The following MGAT5 variants were observed in gnomAD, a reference collection of about 807,000 sequenced individuals.
MGAT5 encodes alpha-1,6-mannosylglycoprotein 6-beta-N-acetylglucosaminyltransferase.
MGAT5 carries 30 observed loss-of-function variants against 94.3 expected under a neutral mutation model. That is an observed-to-expected ratio of 0.32 (90% CI 0.24 to 0.43). MGAT5 has a LOEUF of 0.43. MGAT5 is among the 20% of genes least tolerant of loss of function. The pLI is 1.00. For synonymous variants in MGAT5, 310 were observed against 322.9 expected (o/e 0.96, Z 0.43); for missense variants, 691 against 905.5 (o/e 0.76, Z 3.04).
intron 1 of MGAT5, 21 bp downstream of exon 1, chr2:134,254,665 C>T (rs920169938): frequency 1.9e-6 from 3 of 1,613,380 alleles, no homozygotes; most frequent in African/African-American, 2.7e-5. Flanking sequence ...TTTCTGGGAC[C>T]TCTCCATTAA....
At chr2:134,207,232 C>T (rs1237177523) in intron 1 of MGAT5, among the ~76,000 whole-genome samples, 1 of 152,084 alleles carries the variant, frequency 6.6e-6, no homozygotes, top group African/African-American at 2.4e-5. Context: ...TGCATTAGAC[C>T]CACCTTGATA....
intron 2 of MGAT5, among the ~76,000 whole-genome samples, chr2:134,274,318 T>C (rs1394398178): frequency 6.6e-6 from 1 of 152,250 alleles, no homozygotes; most frequent in East Asian, 1.9e-4. Flanking sequence ...GTTCTTCTTC[T>C]CAATTTACAT....
intron 9 of MGAT5, among the ~76,000 whole-genome samples, chr2:134,350,299 G>T (rs1679299945): frequency 6.6e-6 from 1 of 152,152 alleles, no homozygotes; most frequent in Admixed American, 6.5e-5. Flanking sequence ...TCACTAATGA[G>T]AGGTGAAGTC....
chr2:134,314,430 G>A (rs7575908), intron 2 of MGAT5, among the ~76,000 whole-genome samples: 90,835 of 152,058 alleles, frequency 0.6, 29,330 homozygotes, highest in Non-Finnish European at 0.71. Flanking sequence ...AGTCAGGCCC[G>A]TTGGGCAGAG....
chr2:134,143,483 C>T (rs561666145), intron 1 of MGAT5, among the ~76,000 whole-genome samples: 1 of 152,316 alleles, frequency 6.6e-6, no homozygotes, highest in South Asian at 2.1e-4. Flanking sequence ...CAACTCCTGA[C>T]ATGTTCTTGT....
upstream of MGAT5, among the ~76,000 whole-genome samples, chr2:134,253,732 G>A (rs1160509516): frequency 6.6e-6 from 1 of 152,166 alleles, no homozygotes. Flanking sequence ...ACTAAACACT[G>A]ATGGTGAAAG....
At chr2:134,398,678 T>G (rs1682853426) in intron 10 of MGAT5, among the ~76,000 whole-genome samples, 3 of 152,124 alleles carry the variant, frequency 2.0e-5, no homozygotes, top group Admixed American at 2.0e-4. Context: ...GGAATTAGCT[T>G]GAGTGTCCAT....
rs1454312145 is a variant in MGAT5, at chr2:134,441,339, G to C, written c.1870-419G>C. 2.6e-5 allele frequency among the ~76,000 whole-genome samples: 4 copies of C among 152,196 alleles called. No homozygotes were observed. In the East Asian group the frequency reaches 5.8e-4, roughly 22 times the overall value. The stretch of plus-strand genomic sequence containing the variant: ...GGTAGACACAGTGCCTTTGGAATCA[G>C]AGAAGAGAACAGACCAGCTGGTGGA... On this transcript the variant is annotated intron_variant, in intron 14 of 15. Coordinates refer to ENST00000281923, the MANE Select transcript of MGAT5 (RefSeq NM_002410.5).
intron 1 of MGAT5, among the ~76,000 whole-genome samples, chr2:134,151,366 C>T (rs1253816647): frequency 1.8e-4 from 16 of 89,412 alleles, no homozygotes; most frequent in East Asian, 3.8e-4. Context: ...CCTCACTCAC[C>T]CATGCCCTGT....
intron 1 of MGAT5, among the ~76,000 whole-genome samples, chr2:134,161,676 G>A (rs945494110): frequency 3.9e-5 from 6 of 152,112 alleles, no homozygotes; most frequent in Admixed American, 2.6e-4. Flanking sequence ...CTTTTCATGG[G>A]GTTGTCATAT....
intron 9 of MGAT5, among the ~76,000 whole-genome samples, chr2:134,353,412 C>T (rs1188926254): frequency 2.0e-5 from 3 of 151,984 alleles, no homozygotes; most frequent in Non-Finnish European, 2.9e-5. Flanking sequence ...GTAGGAACCA[C>T]GATGTTTAGT....
rs1683867394 is a variant in MGAT5 at position 134,268,945 on chromosome 2, G to A, written c.242-1441G>A. On this transcript the variant is annotated intron_variant, in intron 1 of 15. Coordinates refer to ENST00000281923, the MANE Select transcript of MGAT5 (RefSeq NM_002410.5). This position sits in a 1 kb window ranked among gnomAD's most constrained non-coding sequence, Gnocchi z 4.1. ...TTTTCTACCCAGGTTCTTGACTTCT[G>A]ATTGGTCCCATTGAGATGTCAGGGA... is the stretch of plus-strand genomic sequence containing the variant. Among the ~76,000 whole-genome samples the A allele has an allele frequency of 6.6e-6, 1 of 152,168 alleles. No individual in the cohort carries two copies. The highest frequency in any genetic ancestry group is 2.4e-5 in the African/African-American group (1 of 41,434).
intron 1 of MGAT5, among the ~76,000 whole-genome samples, chr2:134,209,140 TATTTTTTTTTTA>T (rs1680168594): frequency 5.5e-5 from 2 of 36,178 alleles, no homozygotes; most frequent in Admixed American, 6.7e-4. Context: ...AGAACTGGCT[TATTTTTTTTTTA>T]TTTTTTTTTT....
intron 1 of MGAT5, among the ~76,000 whole-genome samples, chr2:134,134,157 G>A (rs1686303166): frequency 6.6e-6 from 1 of 152,052 alleles, no homozygotes; most frequent in African/African-American, 2.4e-5. Context: ...TCCAGAACCT[G>A]GCATGCAATT....
chr2:134,171,760 G>A (rs914739088), intron 1 of MGAT5, among the ~76,000 whole-genome samples: 11 of 152,190 alleles, frequency 7.2e-5, no homozygotes, highest in Admixed American at 2.0e-4. Flanking sequence ...CTATTCTAAA[G>A]TGGACATTGG....
chr2:134,149,416 T>A (rs1198590454), intron 1 of MGAT5, among the ~76,000 whole-genome samples: 4 of 130,778 alleles, frequency 3.1e-5, no homozygotes, highest in Non-Finnish European at 6.6e-5. Flanking sequence ...AAAGCAAGGG[T>A]GAGTAAAAAA....
intron 1 of MGAT5, among the ~76,000 whole-genome samples, chr2:134,170,881 C>T (rs551932482): frequency 2.0e-4 from 29 of 145,924 alleles, no homozygotes; most frequent in East Asian, 1.6e-3. Flanking sequence ...TTTTTTGAGA[C>T]GGAATATTGC....
At chr2:134,196,974 AT>A (rs1679525001) in intron 1 of MGAT5, among the ~76,000 whole-genome samples, 1 of 152,216 alleles carries the variant, frequency 6.6e-6, no homozygotes, top group South Asian at 2.1e-4. Flanking sequence ...CTGCCTTTGA[AT>A]TTTCAACTAC....
At chr2:134,377,713 G>T (rs1437797661) in intron 10 of MGAT5, among the ~76,000 whole-genome samples, 1 of 152,156 alleles carries the variant, frequency 6.6e-6, no homozygotes, top group Non-Finnish European at 1.5e-5. Flanking sequence ...GCTTTCCCCA[G>T]ATGATGTGAC....
Sources: allele counts gnomAD v4.1 joint callset (sites outside exome capture counted in the v4.1 genomes callset), GRCh38; gene constraint gnomAD v4.1.1; non-coding constraint Gnocchi (gnomAD v3.1); transcripts MANE v1.5; gene names NCBI Gene and HGNC (gene_info 2026-07-23, HGNC 2026-07-21).